The following LATS2 variants were observed in gnomAD, a reference collection of about 807,000 sequenced individuals.
LATS2 encodes the protein serine/threonine-protein kinase LATS2.
A neutral mutation model predicts 76.0 loss-of-function variants in LATS2; 24 were observed. That is an observed-to-expected ratio of 0.32 (90% confidence interval 0.23 to 0.44). LATS2 has a LOEUF of 0.44. Among genes scored for constraint, LATS2 ranks in the 20% least tolerant of loss-of-function variants. The probability of loss-of-function intolerance (pLI) is 1.00; values close to 1 mark genes in which losing one functional copy is unlikely to be tolerated. For missense variants in LATS2, 1,286 were observed against 1,481.2 expected (o/e 0.87, Z 2.16); for synonymous variants, 692 against 635.4 (o/e 1.09, Z -1.34).
chr13:21,048,302 C>A (rs1873141807), intron 1 of LATS2, among the ~76,000 whole-genome samples: 1 of 152,220 alleles, frequency 6.6e-6, no homozygotes, highest in Non-Finnish European at 1.5e-5. Context: ...CAGTAGAGTT[C>A]TTTCTTTTCC....
chr13:21,037,495 G>C (rs1302835356), intron 2 of LATS2, among the ~76,000 whole-genome samples: 2 of 152,312 alleles, frequency 1.3e-5, no homozygotes, highest in East Asian at 3.9e-4. Context: ...GTGCTTCTCT[G>C]TTAGGTGTTT....
intron 1 of LATS2, among the ~76,000 whole-genome samples, chr13:21,056,402 G>A (rs1400054026): frequency 6.6e-6 from 1 of 152,012 alleles, no homozygotes; most frequent in East Asian, 1.9e-4. Flanking sequence ...TTCTCTATTA[G>A]ACAGCTTTGT....
intron 2 of LATS2, among the ~76,000 whole-genome samples, chr13:21,001,131 T>C (rs1456784472): frequency 6.6e-6 from 1 of 152,194 alleles, no homozygotes; most frequent in Non-Finnish European, 1.5e-5. Flanking sequence ...TACAAGCTAA[T>C]CCCAAAGTTC....
rs1385940366 is a variant in LATS2 at position 20,974,255 on chromosome 13, C to T, written c.*615G>A. ...CACCAGACGTCGGAAATCACAGCCACATCATCACCTTGCTCACACTTCCTA... is the reference window on the plus strand; with the variant it reads ...CACCAGACGTCGGAAATCACAGCCATATCATCACCTTGCTCACACTTCCTA... On this transcript the variant is annotated 3_prime_UTR_variant, in exon 8 of 8. Coordinates refer to ENST00000382592, the MANE Select transcript of LATS2 (RefSeq NM_014572.3). 4.5e-6 allele frequency: 1 copy of T among 222,016 alleles called. No homozygotes were observed. Among genetic ancestry groups the T allele is most frequent in the African/African-American group, 2.2e-5 (1 of 44,558 alleles). The allele number at this position is 222,016 out of a possible 1,614,324, so 13.8% of individuals were successfully genotyped here. A position where few individuals can be genotyped will look rare whatever the true frequency, so the allele number is the denominator to read the frequency against.
At chr13:20,992,925 C>T (rs1033962011) in intron 2 of LATS2, among the ~76,000 whole-genome samples, 1 of 151,606 alleles carries the variant, frequency 6.6e-6, no homozygotes, top group African/African-American at 2.4e-5. Context: ...GTTCCAGCTA[C>T]TCAGGAGGCT....
At chr13:21,048,684 A>G (rs1288432041) in intron 1 of LATS2, among the ~76,000 whole-genome samples, 1 of 151,968 alleles carries the variant, frequency 6.6e-6, no homozygotes, top group Non-Finnish European at 1.5e-5. Flanking sequence ...CTAAACATAA[A>G]AAATTAGCCA....
Position 20,975,036 on chromosome 13 carries a change from T to A in LATS2, c.3101A>T (p.Glu1034Val). The change falls in exon 8 of 8, where the codon GAG becomes GTG. Residue 1034 changes from glutamate (E) to valine (V), a missense_variant. Glu to Val is a moderately radical substitution (Grantham distance 121). Transcript: ENST00000382592. ...GAAGGTGAATTCGTAAAATGCGTGC[T>A]CAGGATGCTTGTTATTGGGCGAGGT... ...TLTSPNNKHP[E>V]HAFYEFTFRR... is the part of the protein sequence containing the mutation. 1 of 1,614,238 alleles carries A rather than the reference T, an allele frequency of 6.2e-7. No individual in the cohort carries two copies. The highest frequency in any genetic ancestry group is 1.1e-5 in the South Asian group (1 of 91,082).
At chr13:20,982,237 T>C (rs1294526975) in intron 5 of LATS2, among the ~76,000 whole-genome samples, 3 of 152,240 alleles carry the variant, frequency 2.0e-5, no homozygotes, top group Non-Finnish European at 2.9e-5. Flanking sequence ...CTATAGGAAA[T>C]GGAGTTCAAT....
chr13:21,058,192 T>G (rs1873509097), intron 1 of LATS2, among the ~76,000 whole-genome samples: 1 of 152,250 alleles, frequency 6.6e-6, no homozygotes, highest in Non-Finnish European at 1.5e-5. Context: ...AGTCAATGCA[T>G]TTGAATTTAC....
chr13:21,027,244 C>A (rs912005172), intron 2 of LATS2, among the ~76,000 whole-genome samples: 3 of 152,288 alleles, frequency 2.0e-5, no homozygotes, highest in African/African-American at 2.4e-5. Flanking sequence ...TTTCCTTTTA[C>A]GTCCCATGAA....
intron 2 of LATS2, among the ~76,000 whole-genome samples, chr13:20,997,444 G>A (rs1189855243): frequency 6.6e-6 from 1 of 152,184 alleles, no homozygotes; most frequent in African/African-American, 2.4e-5. Flanking sequence ...CTGAGGGGTG[G>A]GACACCTGCC....
At chr13:21,056,174 T>G (rs1001058702) in intron 1 of LATS2, among the ~76,000 whole-genome samples, 1 of 152,112 alleles carries the variant, frequency 6.6e-6, no homozygotes, top group Non-Finnish European at 1.5e-5. Context: ...CTCACTCTGG[T>G]TGCCCAGGCT....
At chr13:21,055,227 C>T (rs1595260691) in intron 1 of LATS2, among the ~76,000 whole-genome samples, 1 of 152,132 alleles carries the variant, frequency 6.6e-6, no homozygotes, top group East Asian at 1.9e-4. Flanking sequence ...TATTACTATA[C>T]CATTTTAATG....
chr13:21,057,373 C>T (rs1394674619), intron 1 of LATS2, among the ~76,000 whole-genome samples: 1 of 152,228 alleles, frequency 6.6e-6, no homozygotes, highest in African/African-American at 2.4e-5. Flanking sequence ...ATTAACTTGA[C>T]ATGATCTAGA....
intron 2 of LATS2, among the ~76,000 whole-genome samples, chr13:21,038,892 A>G (rs1440486458): frequency 6.6e-6 from 1 of 152,168 alleles, no homozygotes; most frequent in East Asian, 1.9e-4. Context: ...GGCATGGCGC[A>G]TTGCTTGAAC....
chr13:21,017,562 T>TA (rs1345888974), intron 2 of LATS2, among the ~76,000 whole-genome samples: 1 of 152,012 alleles, frequency 6.6e-6, no homozygotes, highest in Non-Finnish European at 1.5e-5. Flanking sequence ...ACCACTTCAC[T>TA]AAAAAATGCT....
chr13:21,048,935 G>C (rs1873167712), intron 1 of LATS2, among the ~76,000 whole-genome samples: 1 of 152,190 alleles, frequency 6.6e-6, no homozygotes, highest in African/African-American at 2.4e-5. Flanking sequence ...GCTTCAGCAA[G>C]TTTACTGTCA....
chr13:21,045,831 C>T lies in LATS2; in HGVS notation c.196G>A (p.Ala66Thr), dbSNP rs768905193. The change falls in exon 2 of 8, where the codon GCC (alanine) becomes ACC (threonine). Residue 66 changes from alanine (A) to threonine (T), a missense_variant. By Grantham distance (58) the Ala-to-Thr change is moderately conservative. Around this residue, in one of 5 missense-constraint regions of LATS2, gnomAD observed 101 missense variants for 141.4 expected, o/e 0.71. Transcript: ENST00000382592. The part of the protein sequence containing the change: ...DATRQQQQMR[A>T]TPKFGPYQKA... Reference sequence around the variant, plus strand: ...TGATAAGGTCCGAACTTTGGGGTGGCTCTCATCTGCTGCTGCTGCCTGGTG... The same window carrying T: ...TGATAAGGTCCGAACTTTGGGGTGGTTCTCATCTGCTGCTGCTGCCTGGTG... 2 of 1,614,100 alleles carry T rather than the reference C, an allele frequency of 1.2e-6. No individual in the cohort carries two copies. The highest frequency in any genetic ancestry group is 2.2e-5 in the South Asian group (2 of 91,090).
rs962090432 is a variant in LATS2, at chr13:21,061,495, A to T, written c.-354T>A. The T allele has an allele frequency of 2.0e-5, 3 of 153,346 alleles. No individual in the cohort carries two copies. Among genetic ancestry groups the T allele is most frequent in the Non-Finnish European group, 4.4e-5 (3 of 68,676 alleles). 9.5% of individuals were successfully genotyped at this position (153,346 alleles called of 1,614,324 possible). A position where few individuals can be genotyped will look rare whatever the true frequency, so the allele number is the denominator to read the frequency against. ...GGCGGCGGCGGTGGCGTGGACGGCG[A>T]CTGCTCCATCTTCCCGGGGCGCTCA... On this transcript the variant is annotated 5_prime_UTR_variant, in exon 1 of 8. Transcript: ENST00000382592.
Sources: allele counts gnomAD v4.1 joint callset (sites outside exome capture counted in the v4.1 genomes callset), GRCh38; gene constraint gnomAD v4.1.1; regional missense constraint gnomAD v4.1.1; transcripts MANE v1.5; gene names NCBI Gene and HGNC (gene_info 2026-07-23, HGNC 2026-07-21).